The following ANKIB1 variants were observed in gnomAD, a reference collection of about 807,000 sequenced individuals.
ANKIB1 encodes the protein ankyrin repeat and IBR domain-containing protein 1.
Under a neutral mutation model 122.1 loss-of-function variants are expected in ANKIB1, and 43 were observed. That is an observed-to-expected ratio of 0.35 (90% CI 0.28 to 0.45). The LOEUF is 0.45. Among genes scored for constraint, ANKIB1 ranks in the 20% least tolerant of loss-of-function variants. The pLI is 1.00. For synonymous variants in ANKIB1, 390 were observed against 442.0 expected (o/e 0.88, Z 1.48); for missense variants, 992 against 1,329.5 (o/e 0.75, Z 3.95).
At chr7:92,341,626 A>G (rs1385993240) in intron 5 of ANKIB1, among the ~76,000 whole-genome samples, 1 of 152,160 alleles carries the variant, frequency 6.6e-6, no homozygotes, top group East Asian at 1.9e-4. Context: ...ACTTGGAGAG[A>G]TTTTCCAGTT....
chr7:92,386,953 G>A (rs1028600537), intron 12 of ANKIB1, among the ~76,000 whole-genome samples: 6 of 152,250 alleles, frequency 3.9e-5, no homozygotes, highest in Admixed American at 3.3e-4. Flanking sequence ...TACAGGAAGT[G>A]TCTTAGTCTG....
intron 9 of ANKIB1, among the ~76,000 whole-genome samples, chr7:92,355,881 A>AATAATC (rs1803798383): frequency 6.7e-6 from 1 of 148,510 alleles, no homozygotes; most frequent in East Asian, 2.0e-4. Context: ...TAATAATAAT[A>AATAATC]ATAATAGTAA....
chr7:92,343,252 G>C lies in ANKIB1; in HGVS notation c.996+20G>C, dbSNP rs749035622. ...AGTTTGGTATGGTTTGGTATTCACTGTACTTCTCATAGCTTTGTTTATAGT... is the reference window on the plus strand; with the variant it reads ...AGTTTGGTATGGTTTGGTATTCACTCTACTTCTCATAGCTTTGTTTATAGT... On this transcript the variant is annotated intron_variant, in intron 6 of 19. Coordinates refer to ENST00000265742, the MANE Select transcript of ANKIB1 (RefSeq NM_019004.2). The C allele has an allele frequency of 1.3e-6, 2 of 1,592,700 alleles. No individual in the cohort carries two copies. Among genetic ancestry groups the C allele is most frequent in the East Asian group, 2.2e-5 (1 of 44,678 alleles).
intron 10 of ANKIB1, among the ~76,000 whole-genome samples, chr7:92,368,461 A>G (rs144147952): frequency 1.1e-3 from 170 of 152,190 alleles, no homozygotes; most frequent in Middle Eastern, 6.8e-3. Context: ...TCATGCCTGT[A>G]ATCCCAGTAC....
At chr7:92,387,674 A>G (rs1804689177) in intron 12 of ANKIB1, 124 bp from the exon 13 acceptor site, 1 of 677,608 alleles carries the variant, frequency 1.5e-6, no homozygotes, top group African/African-American at 1.8e-5. Flanking sequence ...TGTCAAGAAA[A>G]TAATTCGCAA....
chr7:92,364,867 G>A (rs531640608), intron 10 of ANKIB1, among the ~76,000 whole-genome samples: 3 of 152,302 alleles, frequency 2.0e-5, no homozygotes, highest in African/African-American at 7.2e-5. Flanking sequence ...GTTTGGGTCG[G>A]AGGGTAAATT....
chr7:92,361,878 C>T (rs1421343124), intron 9 of ANKIB1, among the ~76,000 whole-genome samples: 3 of 151,800 alleles, frequency 2.0e-5, no homozygotes, highest in African/African-American at 7.3e-5. Flanking sequence ...GGTGCAATCT[C>T]GGCTCACTGC....
chr7:92,289,325 T>C (rs2131912266), intron 1 of ANKIB1, among the ~76,000 whole-genome samples: 1 of 152,358 alleles, frequency 6.6e-6, no homozygotes, highest in South Asian at 2.1e-4. Flanking sequence ...TTCATCTGTG[T>C]ATCCCCACTG....
intron 2 of ANKIB1, among the ~76,000 whole-genome samples, chr7:92,295,562 C>CA (rs1365275705): frequency 6.6e-6 from 1 of 151,974 alleles, no homozygotes; most frequent in Non-Finnish European, 1.5e-5. Context: ...TGTCAGCTGT[C>CA]AAAAAAATGC....
At chr7:92,272,348 A>G (rs972635531) in intron 1 of ANKIB1, among the ~76,000 whole-genome samples, 11 of 152,212 alleles carry the variant, frequency 7.2e-5, no homozygotes, top group Non-Finnish European at 1.3e-4. Flanking sequence ...TAGCAGTAAT[A>G]TTGTAAGCTA....
chr7:92,307,808 CTTTTTTTTTTTTT>C (rs71107855), intron 3 of ANKIB1, among the ~76,000 whole-genome samples, 152 bp downstream of exon 3: 3 of 47,906 alleles, frequency 6.3e-5, no homozygotes, highest in African/African-American at 9.2e-5. Context: ...TAAAGGGCCT[CTTTTTTTTTTTTT>C]TTTTTTTTTT....
chr7:92,309,139 C>G (rs1255397328), intron 3 of ANKIB1, among the ~76,000 whole-genome samples: 1 of 152,100 alleles, frequency 6.6e-6, no homozygotes, highest in Non-Finnish European at 1.5e-5. Flanking sequence ...GTTTGTGATA[C>G]TTGCTAATCT....
intron 9 of ANKIB1, among the ~76,000 whole-genome samples, chr7:92,361,185 T>C (rs185856658): frequency 6.6e-6 from 1 of 152,366 alleles, no homozygotes; most frequent in East Asian, 1.9e-4. Context: ...TGAATTAAAA[T>C]GGCAGTTCAT....
chr7:92,389,762 T>G (rs778851290), intron 14 of ANKIB1, among the ~76,000 whole-genome samples: 3 of 152,194 alleles, frequency 2.0e-5, no homozygotes, highest in South Asian at 2.1e-4. Flanking sequence ...GGCATATGCT[T>G]CTTTTATAAA....
intron 4 of ANKIB1, chr7:92,326,039 A>G (rs1171432066): frequency 2.6e-6 from 1 of 391,032 alleles, no homozygotes; most frequent in Non-Finnish European, 5.0e-6. Flanking sequence ...CTTGCAGAAG[A>G]AAAGTAGTGC....
intron 3 of ANKIB1, 112 bp downstream of exon 3, chr7:92,307,768 C>A: frequency 5.4e-6 from 3 of 557,896 alleles, no homozygotes; most frequent in Non-Finnish European, 4.8e-6. Flanking sequence ...CATTTTTTTT[C>A]TCTTTTGTCT....
intron 9 of ANKIB1, among the ~76,000 whole-genome samples, chr7:92,360,274 T>G (rs1293833927): frequency 6.6e-6 from 1 of 152,228 alleles, no homozygotes; most frequent in Admixed American, 6.5e-5. Context: ...TTTCTTTCTC[T>G]ATGAATTTGC....
chr7:92,259,017 G>C (rs539690095), intron 1 of ANKIB1, among the ~76,000 whole-genome samples: 2 of 152,006 alleles, frequency 1.3e-5, no homozygotes, highest in Admixed American at 6.6e-5. Context: ...ACAGTGGCGC[G>C]ATCTTGGCTC....
At chr7:92,385,999 A>G (rs1804634253) in intron 11 of ANKIB1, among the ~76,000 whole-genome samples, 1 of 152,220 alleles carries the variant, frequency 6.6e-6, no homozygotes, top group Admixed American at 6.5e-5. Context: ...TTCATACTGA[A>G]TGCTCATATT....
Sources: gnomAD v4.1 joint callset for allele counts (sites outside exome capture counted in the v4.1 genomes callset) on GRCh38, gnomAD v4.1.1 for gene constraint, MANE v1.5 for transcripts, NCBI Gene and HGNC (gene_info 2026-07-23, HGNC 2026-07-21) for gene names.